Variants in UBAC2 observed in about 807,000 individuals in gnomAD.
The protein encoded by UBAC2 is UBA domain containing 2.
A neutral mutation model predicts 44.0 loss-of-function variants in UBAC2; 26 were observed. The observed-to-expected ratio is 0.59, with a 90% CI of 0.43 to 0.82. The LOEUF (loss-of-function observed/expected upper bound fraction) is 0.82. Ranked by LOEUF, UBAC2 falls within the 40% of genes least tolerant of loss-of-function variation. The pLI, the probability that UBAC2 is intolerant of heterozygous loss-of-function variation, is 0.00. For missense variants in UBAC2, 329 were observed against 419.4 expected, an observed-to-expected ratio of 0.78 and a Z score of 1.88; for synonymous variants, 155 against 154.3, an observed-to-expected ratio of 1.00 and a Z score of -0.04.
intron 6 of UBAC2, among the ~76,000 whole-genome samples, chr13:99,338,300 C>T (rs2004229): frequency 0.13 from 20,039 of 151,888 alleles, 1,554 homozygotes; most frequent in East Asian, 0.32. Flanking sequence ...TCTTGTGATC[C>T]GCCCGCCTTG....
chr13:99,259,297 A>G (rs1361597772), intron 4 of UBAC2, among the ~76,000 whole-genome samples: 3 of 150,256 alleles, frequency 2.0e-5, no homozygotes, highest in African/African-American at 7.3e-5. Flanking sequence ...GGGTTCATGA[A>G]CTTAAATGTA....
At chr13:99,202,381 A>C (rs2042815027) in intron 1 of UBAC2, among the ~76,000 whole-genome samples, 1 of 152,338 alleles carries the variant, frequency 6.6e-6, no homozygotes, top group South Asian at 2.1e-4. Context: ...CTGACAGTTC[A>C]AGAAGGCAAT....
intron 1 of UBAC2, among the ~76,000 whole-genome samples, chr13:99,233,842 C>A (rs1221202167): frequency 6.6e-6 from 1 of 152,062 alleles, no homozygotes; most frequent in African/African-American, 2.4e-5. Flanking sequence ...GTTTTTGGTT[C>A]CCGATGAAGC....
chr13:99,242,839 C>CAGCCG (rs2043333552), intron 2 of UBAC2, among the ~76,000 whole-genome samples: 1 of 145,824 alleles, frequency 6.9e-6, no homozygotes, highest in Admixed American at 6.8e-5. Context: ...TCAGACGGGG[C>CAGCCG]GGCCGGGCAG....
chr13:99,201,063 C>T (rs1376129692), intron 1 of UBAC2, 124 bp downstream of exon 1: 3 of 1,328,400 alleles, frequency 2.3e-6, no homozygotes, highest in East Asian at 2.8e-5. Flanking sequence ...CCTCCAGACC[C>T]GCGTCCGAAC....
intron 3 of UBAC2, 113 bp from the exon 4 acceptor site, chr13:99,244,402 C>T (rs1459774584): frequency 5.1e-5 from 29 of 566,646 alleles, no homozygotes; most frequent in South Asian, 7.0e-5. Flanking sequence ...TGTGTATATA[C>T]ACACACACAC....
chr13:99,249,787 A>G (rs2043435657), intron 4 of UBAC2, among the ~76,000 whole-genome samples: 3 of 152,170 alleles, frequency 2.0e-5, no homozygotes, highest in African/African-American at 7.2e-5. Context: ...GTGAGATGGT[A>G]TCTCATTGTG....
At chr13:99,328,500 A>G (rs911580810) in intron 6 of UBAC2, among the ~76,000 whole-genome samples, 12 of 152,170 alleles carry the variant, frequency 7.9e-5, no homozygotes, top group African/African-American at 2.9e-4. Flanking sequence ...ACCCTTGTCA[A>G]CACTTGGTAT....
intron 2 of UBAC2, among the ~76,000 whole-genome samples, chr13:99,241,401 T>C (rs934435179): frequency 6.6e-6 from 1 of 152,140 alleles, no homozygotes; most frequent in African/African-American, 2.4e-5. Context: ...ATACATACCA[T>C]AGAATATTAT....
At chr13:99,203,304 G>A (rs553510010) in intron 1 of UBAC2, among the ~76,000 whole-genome samples, 1 of 152,280 alleles carries the variant, frequency 6.6e-6, no homozygotes, top group South Asian at 2.1e-4. Flanking sequence ...CAAAAGTGCT[G>A]GGATTACAGG....
intron 1 of UBAC2, among the ~76,000 whole-genome samples, chr13:99,211,355 A>G (rs1416478009): frequency 6.6e-6 from 1 of 152,240 alleles, no homozygotes; most frequent in Non-Finnish European, 1.5e-5. Context: ...ATGAAAATTT[A>G]GTCCCTTTAG....
intron 4 of UBAC2, among the ~76,000 whole-genome samples, chr13:99,264,065 C>CT (rs2043707318): frequency 6.6e-6 from 1 of 152,190 alleles, no homozygotes; most frequent in African/African-American, 2.4e-5. Context: ...TGTTGCTTTT[C>CT]TTACCCTCAC....
chr13:99,330,049 C>G (rs1244684751), intron 6 of UBAC2, among the ~76,000 whole-genome samples: 1 of 152,106 alleles, frequency 6.6e-6, no homozygotes, highest in Non-Finnish European at 1.5e-5. Context: ...TTTCAATGTA[C>G]AGGTCTTGCA....
intron 4 of UBAC2, among the ~76,000 whole-genome samples, chr13:99,309,602 TTTTG>T (rs964608364): frequency 5.3e-5 from 8 of 152,072 alleles, no homozygotes; most frequent in African/African-American, 1.2e-4. Context: ...TTTACAGTTT[TTTTG>T]TTTGTTTGTT....
At chr13:99,287,585 C>A (rs965919313) in intron 4 of UBAC2, among the ~76,000 whole-genome samples, 2 of 151,910 alleles carry the variant, frequency 1.3e-5, no homozygotes, top group African/African-American at 4.8e-5. Flanking sequence ...TCTGCCTCCA[C>A]CCCATGTTGT....
At chr13:99,229,743 A>G (rs2043152076) in intron 1 of UBAC2, among the ~76,000 whole-genome samples, 1 of 152,246 alleles carries the variant, frequency 6.6e-6, no homozygotes, top group Non-Finnish European at 1.5e-5. Flanking sequence ...ATCTTCGTTG[A>G]AAGAATGCTT....
chr13:99,325,395 G>A (rs911431495), intron 6 of UBAC2, among the ~76,000 whole-genome samples: 1 of 152,130 alleles, frequency 6.6e-6, no homozygotes, highest in Non-Finnish European at 1.5e-5. Flanking sequence ...GAGCCACAGT[G>A]CCCGGCCTAT....
intron 2 of UBAC2, among the ~76,000 whole-genome samples, chr13:99,242,582 G>A (rs1326793149): frequency 3.6e-5 from 5 of 138,066 alleles, no homozygotes; most frequent in Admixed American, 2.8e-4. Context: ...AGGGGCGGCC[G>A]GGCAGAGGCG....
chr13:99,325,266 C>A (rs924097435), intron 6 of UBAC2, among the ~76,000 whole-genome samples: 1 of 151,928 alleles, frequency 6.6e-6, no homozygotes, highest in Admixed American at 6.5e-5. Flanking sequence ...CCATGCCCAG[C>A]TAATTTTTTT....
Sources: gnomAD v4.1 joint callset for allele counts (sites outside exome capture counted in the v4.1 genomes callset) on GRCh38, gnomAD v4.1.1 for gene constraint, MANE v1.5 for transcripts, NCBI Gene and HGNC (gene_info 2026-07-23, HGNC 2026-07-21) for gene names.